Variants in TCN2 observed in about 807,000 individuals in gnomAD.
TCN2 encodes the protein transcobalamin-2.
TCN2 carries 34 observed loss-of-function variants against 48.6 expected under a neutral mutation model. The ratio of observed to expected loss-of-function variants is 0.70; its 90% CI spans 0.53 to 0.93. TCN2 has a LOEUF of 0.93. Ranked by LOEUF, TCN2 falls within the 40% of genes least tolerant of loss-of-function variation. The pLI, the probability that TCN2 is intolerant of heterozygous loss-of-function variation, is 0.00. For synonymous variants in TCN2, 283 were observed against 212.5 expected, an observed-to-expected ratio of 1.33 and a Z score of -2.89; for missense variants, 652 against 526.1, an observed-to-expected ratio of 1.24 and a Z score of -2.34.
Position 30,613,103 on chromosome 22 carries a change from C to T in TCN2, c.427+61C>T, listed in dbSNP as rs758867679. 937 of 1,590,518 alleles carry T rather than the reference C, an allele frequency of 5.9e-4. 1 individual carries two copies. The highest frequency in any genetic ancestry group is 5.9e-4 in the Non-Finnish European group (692 of 1,167,666). ...CTGGGAGGGCTCATCAGATGATATT[C>T]TCCAATGAGAATCAGAACTTTGGGT... On this transcript the variant is annotated intron_variant, in intron 3 of 8. Coordinates refer to ENST00000215838, the MANE Select transcript of TCN2 (RefSeq NM_000355.4).
In TCN2 at chr22:30,607,343, T is replaced by G; in HGVS notation, c.12T>G (p.Leu4=). Residue 4 remains leucine, a synonymous_variant, in exon 1 of 9, where the codon CTT becomes CTG. Coordinates refer to ENST00000215838, the MANE Select transcript of TCN2 (RefSeq NM_000355.4). Reference sequence around the variant, plus strand: ...CACCTGCTGCTGCCATGAGGCACCTTGGGGCCTTCCTCTTCCTTCTGGGGG... The same window carrying G: ...CACCTGCTGCTGCCATGAGGCACCTGGGGGCCTTCCTCTTCCTTCTGGGGG... MRH[L]GAFLFLLGVL... 2.5e-6 allele frequency: 4 copies of G among 1,614,144 alleles called. No individual in the cohort carries two copies. The highest frequency in any genetic ancestry group is 1.1e-5 in the South Asian group (1 of 91,088).
intron 6 of TCN2, 78 bp from the exon 7 acceptor site, chr22:30,617,252 T>C: frequency 1.3e-6 from 2 of 1,599,854 alleles, no homozygotes; most frequent in East Asian, 2.2e-5. Context: ...CCAGGTGTCC[T>C]TGAGGGAAGA....
intron 8 of TCN2, among the ~76,000 whole-genome samples, chr22:30,624,404 C>T (rs2087772448): frequency 2.0e-5 from 3 of 151,942 alleles, no homozygotes; most frequent in African/African-American, 7.3e-5. Flanking sequence ...TCATCTGTTC[C>T]TACTCTTGTT....
At chr22:30,611,418 C>G (rs542851566) in intron 2 of TCN2, among the ~76,000 whole-genome samples, 1 of 152,212 alleles carries the variant, frequency 6.6e-6, no homozygotes, top group African/African-American at 2.4e-5. Flanking sequence ...CTACATTGAG[C>G]TTAGAAGCAG....
intron 7 of TCN2, among the ~76,000 whole-genome samples, chr22:30,619,654 A>G (rs1380219373): frequency 6.6e-6 from 1 of 152,144 alleles, no homozygotes; most frequent in Non-Finnish European, 1.5e-5. Flanking sequence ...TCATGGGCCT[A>G]TCTCTGTCCC....
chr22:30,616,986 G>C (rs1396440609), intron 6 of TCN2, among the ~76,000 whole-genome samples: 3 of 152,164 alleles, frequency 2.0e-5, no homozygotes, highest in Non-Finnish European at 4.4e-5. Flanking sequence ...ACAGAGATGC[G>C]TTGTGAACAA....
At chr22:30,620,966 C>T (rs778702471) in intron 7 of TCN2, among the ~76,000 whole-genome samples, 4 of 152,032 alleles carry the variant, frequency 2.6e-5, no homozygotes, top group Non-Finnish European at 4.4e-5. Flanking sequence ...AGTTTCCCTT[C>T]GCTAAAGTCA....
chr22:30,626,608 G>A lies in TCN2; in HGVS notation c.*87G>A. ...ATGTCCCTGGAACAGGAACTCGCCTGACCCTGCTGCCACCTCCTGTGCACT... is the reference window on the plus strand; with the variant it reads ...ATGTCCCTGGAACAGGAACTCGCCTAACCCTGCTGCCACCTCCTGTGCACT... On this transcript the variant is annotated 3_prime_UTR_variant, in exon 9 of 9. Transcript: ENST00000215838. 1 of 1,458,996 alleles carries A rather than the reference G, an allele frequency of 6.9e-7. No homozygotes were observed. Among genetic ancestry groups the A allele is most frequent in the Non-Finnish European group, 9.5e-7 (1 of 1,047,940 alleles). 90.4% of individuals were successfully genotyped at this position (1,458,996 alleles called of 1,614,324 possible).
intron 7 of TCN2, chr22:30,617,771 C>T (rs2087635526): frequency 2.1e-5 from 10 of 481,240 alleles, no homozygotes; most frequent in Non-Finnish European, 3.8e-5. Flanking sequence ...ACCCACAATT[C>T]ACCGAGGAGA....
rs1048709115 is a variant in TCN2 at position 30,615,865 on chromosome 22, C to T, written c.940+78C>T. On this transcript the variant is annotated intron_variant, in intron 6 of 8. Coordinates refer to ENST00000215838, the MANE Select transcript of TCN2 (RefSeq NM_000355.4). Reference sequence around the variant, plus strand: ...TTGACGTCCCAGTGAGGGGAGGTTGCTTCATCCTGATTTGCTGAGTCAGCA... The same window carrying T: ...TTGACGTCCCAGTGAGGGGAGGTTGTTTCATCCTGATTTGCTGAGTCAGCA... 7 of 1,574,056 alleles carry T rather than the reference C, an allele frequency of 4.4e-6. 1 individual carries two copies. The East Asian group carries it at 6.7e-5, about 15-fold the overall frequency.
intron 1 of TCN2, among the ~76,000 whole-genome samples, chr22:30,609,878 G>A (rs558406872): frequency 3.9e-5 from 6 of 152,292 alleles, no homozygotes; most frequent in Admixed American, 2.6e-4. Context: ...CAGACACGAG[G>A]TTGTGGGACC....
In TCN2 at chr22:30,617,414, C is replaced by G. The variant is rs1488789147; in HGVS notation, c.1025C>G (p.Pro342Arg). ...VTLQVLSLLP[P>R]YRQSISVLAG... ...CTGCAGGTGCTTAGTCTCTTGCCGC[C>G]GTACAGACAGTCCATCTCTGTTCTG... Residue 342 changes from proline to arginine, a missense_variant, in exon 7 of 9, where the codon CCG becomes CGG. Physicochemically the swap from Pro to Arg is moderately radical, Grantham distance 103 (BLOSUM62 -2). Coordinates refer to ENST00000215838, the MANE Select transcript of TCN2 (RefSeq NM_000355.4). The G allele has an allele frequency of 1.9e-6, 3 of 1,614,104 alleles. No individual in the cohort carries two copies. The highest frequency in any genetic ancestry group is 4.5e-5 in the East Asian group (2 of 44,882).
rs1366317806 is a variant in TCN2, at chr22:30,607,281, C to G, written c.-51C>G. On this transcript the variant is annotated 5_prime_UTR_variant, in exon 1 of 9. Coordinates refer to ENST00000215838, the MANE Select transcript of TCN2 (RefSeq NM_000355.4). Reference sequence around the variant, plus strand: ...TCAGGAGAGCCTCAGCAGGGCCAGCCCCAGGAGTCTTTCCCGATTCTTGCT... The same window carrying G: ...TCAGGAGAGCCTCAGCAGGGCCAGCGCCAGGAGTCTTTCCCGATTCTTGCT... 6.2e-7 allele frequency: 1 copy of G among 1,608,218 alleles called. No individual in the cohort carries two copies. The highest frequency in any genetic ancestry group is 1.3e-5 in the African/African-American group (1 of 74,770).
chr22:30,613,473 T>C (rs1217938882), intron 3 of TCN2, among the ~76,000 whole-genome samples: 1 of 152,072 alleles, frequency 6.6e-6, no homozygotes, highest in African/African-American at 2.4e-5. Context: ...GACGTGGGGT[T>C]TCTCCATGTT....
intron 1 of TCN2, among the ~76,000 whole-genome samples, chr22:30,609,934 C>T (rs966183051): frequency 6.6e-6 from 1 of 152,172 alleles, no homozygotes; most frequent in Admixed American, 6.5e-5. Flanking sequence ...GGTCCTCGTT[C>T]TGGTCCCCTG....
rs1157963410 is a variant in TCN2, at chr22:30,626,608, G to C, written c.*87G>C. 1 of 1,458,878 alleles carries C rather than the reference G, an allele frequency of 6.9e-7. No homozygotes were observed. Among genetic ancestry groups the C allele is most frequent in the Non-Finnish European group, 9.5e-7 (1 of 1,047,948 alleles). 90.4% of individuals were successfully genotyped at this position (1,458,878 alleles called of 1,614,324 possible). ...ATGTCCCTGGAACAGGAACTCGCCT[G>C]ACCCTGCTGCCACCTCCTGTGCACT... On this transcript the variant is annotated 3_prime_UTR_variant, in exon 9 of 9. Coordinates refer to ENST00000215838, the MANE Select transcript of TCN2 (RefSeq NM_000355.4).
At position 30,617,428 on chromosome 22, in the gene TCN2, A is replaced by T. The variant is rs761778896; in HGVS notation, c.1039A>T (p.Ile347Phe). ...TCTCTTGCCGCCGTACAGACAGTCC[A>T]TCTCTGTTCTGGCCGGGTCCACCGT... ...LSLLPPYRQSISVLAGSTVED... is the reference protein window; with the variant it reads ...LSLLPPYRQSFSVLAGSTVED... The change falls in exon 7 of 9, where the codon ATC becomes TTC. Residue 347 changes from isoleucine (I) to phenylalanine (F), a missense_variant. By Grantham distance (21) the Ile-to-Phe change is conservative. Coordinates refer to ENST00000215838, the MANE Select transcript of TCN2 (RefSeq NM_000355.4). 2.2e-5 allele frequency: 35 copies of T among 1,613,856 alleles called. 1 individual carries two copies. The highest frequency in any genetic ancestry group is 1.8e-4 in the East Asian group (8 of 44,890).
At chr22:30,621,671 A>T (rs1383475259) in intron 7 of TCN2, among the ~76,000 whole-genome samples, 1 of 152,156 alleles carries the variant, frequency 6.6e-6, no homozygotes, top group Non-Finnish European at 1.5e-5. Context: ...ATTAGTAGAG[A>T]TGGGGTTTCA....
Position 30,626,804 on chromosome 22 carries a change from C to T in TCN2, c.*283C>T, listed in dbSNP as rs538133033. ...GAAGGCCACCCCATGGTCTGATGGG[C>T]ATGAAGCATCTCAGACTCCTTGGCA... On this transcript the variant is annotated 3_prime_UTR_variant, in exon 9 of 9. Transcript: ENST00000215838. 6 of 551,026 alleles carry T rather than the reference C, an allele frequency of 1.1e-5. No individual in the cohort carries two copies. Among genetic ancestry groups the T allele is most frequent in the African/African-American group, 9.5e-5 (5 of 52,850 alleles). The allele number at this position is 551,026 out of a possible 1,614,324, so 34.1% of individuals were successfully genotyped here. A position where few individuals can be genotyped will look rare whatever the true frequency, so the allele number is the denominator to read the frequency against.
Sources: allele counts gnomAD v4.1 joint callset (sites outside exome capture counted in the v4.1 genomes callset), GRCh38; gene constraint gnomAD v4.1.1; transcripts MANE v1.5; gene names NCBI Gene and HGNC (gene_info 2026-07-23, HGNC 2026-07-21).